RGSL1: variants seen among roughly 807,000 people sequenced by gnomAD.
The protein encoded by RGSL1 is regulator of G protein signaling protein-like.
A neutral mutation model predicts 124.7 loss-of-function variants in RGSL1; 97 were observed. That is an observed-to-expected ratio of 0.78 (90% CI 0.66 to 0.92). The LOEUF (loss-of-function observed/expected upper bound fraction) is 0.92, where lower values mean the gene tolerates loss of function less well. Ranked by LOEUF, RGSL1 falls within the 40% of genes least tolerant of loss-of-function variation. The probability of loss-of-function intolerance (pLI) is 0.00; values close to 1 mark genes in which losing one functional copy is unlikely to be tolerated. For synonymous variants in RGSL1, 424 were observed against 438.1 expected (o/e 0.97, Z 0.40); for missense variants, 1,233 against 1,288.4 (o/e 0.96, Z 0.66).
At chr1:182,512,955 T>C (rs552463468) in intron 9 of RGSL1, among the ~76,000 whole-genome samples, 12 of 152,306 alleles carry the variant, frequency 7.9e-5, no homozygotes, top group African/African-American at 2.9e-4. Flanking sequence ...GCTCTTTTGT[T>C]TGTCTGTCCA....
intron 6 of RGSL1, 35 bp downstream of exon 6, chr1:182,474,577 G>A: frequency 6.7e-7 from 1 of 1,501,530 alleles, no homozygotes; most frequent in South Asian, 1.3e-5. Flanking sequence ...GTTATATCTG[G>A]CAAATTAGGT....
chr1:182,557,324 C>T (rs142572293), intron 21 of RGSL1, among the ~76,000 whole-genome samples: 10 of 152,224 alleles, frequency 6.6e-5, no homozygotes, highest in Non-Finnish European at 1.5e-4. Flanking sequence ...TCCTAAAAAT[C>T]AGGCAAAAAC....
At chr1:182,512,553 C>A (rs145215612) in intron 9 of RGSL1, among the ~76,000 whole-genome samples, 2 of 152,148 alleles carry the variant, frequency 1.3e-5, no homozygotes, top group Non-Finnish European at 2.9e-5. Context: ...TCCGGCCCCA[C>A]GGTAGCTTCT....
At chr1:182,497,220 G>T (rs564673303) in intron 9 of RGSL1, among the ~76,000 whole-genome samples, 48 of 149,974 alleles carry the variant, frequency 3.2e-4, no homozygotes, top group Admixed American at 1.7e-3. Flanking sequence ...GAATGAAAAA[G>T]AGATAGAAAG....
intron 9 of RGSL1, among the ~76,000 whole-genome samples, chr1:182,519,247 TG>T (rs1401394532): frequency 1.3e-4 from 5 of 37,348 alleles, no homozygotes; most frequent in Non-Finnish European, 3.5e-4. Context: ...AGCTGCCATC[TG>T]GAAATTTTTT....
upstream of RGSL1, chr1:182,448,198 A>G (rs374592716): frequency 1.3e-3 from 192 of 149,922 alleles, 1 homozygote; most frequent in African/African-American, 4.4e-3. Flanking sequence ...AAACCAATTT[A>G]TTTGTTTGTT....
rs1338893192 is a variant in RGSL1 at position 182,527,685 on chromosome 1, A to G, written c.2038A>G (p.Lys680Glu). Residue 680 changes from lysine (K) to glutamate (E), a missense_variant, in exon 11 of 22, where the codon AAG becomes GAG. Physicochemically the swap from Lys to Glu is moderately conservative, Grantham distance 56 (BLOSUM62 1). Transcript: ENST00000294854. ...IPLQFLTAVQ[K>E]ISIETNEKIC... is the part of the protein sequence containing the mutation. ...ATTGCAATTTCTCACAGCTGTACAG[A>G]AGATCAGTATAGAGACCAATGAAAA... 1 of 1,551,516 alleles carries G rather than the reference A, an allele frequency of 6.4e-7. No individual in the cohort carries two copies. Among genetic ancestry groups the G allele is most frequent in the Admixed American group, 2.0e-5 (1 of 51,002 alleles).
chr1:182,469,945 C>T (rs1178515253), intron 4 of RGSL1, among the ~76,000 whole-genome samples: 1 of 151,910 alleles, frequency 6.6e-6, no homozygotes, highest in African/African-American at 2.4e-5. Flanking sequence ...ATATGAGGTA[C>T]TTAGGATAGT....
chr1:182,557,846 C>T (rs903561959), intron 21 of RGSL1, among the ~76,000 whole-genome samples: 2 of 152,196 alleles, frequency 1.3e-5, no homozygotes, highest in African/African-American at 4.8e-5. Context: ...CCAGATCTAA[C>T]ATGTTCTAAT....
At chr1:182,555,809 C>T in intron 20 of RGSL1, 1 of 576,152 alleles carries the variant, frequency 1.7e-6, no homozygotes, top group African/African-American at 1.9e-5. Context: ...CTTTGAAGCT[C>T]TTTACACTGG....
At chr1:182,450,000 T>C, upstream of RGSL1, 1 of 744,044 alleles carries the variant, frequency 1.3e-6, no homozygotes. Flanking sequence ...AGATAAAGAC[T>C]TATCTTCAGA....
At chr1:182,485,996 A>T (rs1558287552) in intron 6 of RGSL1, among the ~76,000 whole-genome samples, 1 of 152,190 alleles carries the variant, frequency 6.6e-6, no homozygotes, top group East Asian at 1.9e-4. Context: ...ATATCATAAA[A>T]TATTTACCAT....
chr1:182,505,422 C>A (rs1033411766), intron 9 of RGSL1, among the ~76,000 whole-genome samples: 2 of 152,136 alleles, frequency 1.3e-5, no homozygotes, highest in East Asian at 3.9e-4. Flanking sequence ...ACTTTCTTTA[C>A]CACAATGCAT....
At chr1:182,509,159 AGCC>A (rs1657095177) in intron 9 of RGSL1, among the ~76,000 whole-genome samples, 1 of 72,014 alleles carries the variant, frequency 1.4e-5, no homozygotes, top group African/African-American at 5.3e-5. Context: ...TATTCCACAA[AGCC>A]GCCATTGTCA....
chr1:182,448,225 TG>T (rs1651590705), upstream of RGSL1: 1 of 154,162 alleles, frequency 6.5e-6, no homozygotes, highest in South Asian at 2.1e-4. Flanking sequence ...TTTGTTTGTT[TG>T]TTTGTTTGTT....
chr1:182,531,769 A>G (rs1659190287), intron 13 of RGSL1, among the ~76,000 whole-genome samples: 1 of 152,192 alleles, frequency 6.6e-6, no homozygotes, highest in South Asian at 2.1e-4. Context: ...TTGTTCCTAG[A>G]AAACAAGATA....
intron 9 of RGSL1, among the ~76,000 whole-genome samples, chr1:182,503,488 C>T (rs972870809): frequency 3.4e-5 from 5 of 148,134 alleles, no homozygotes; most frequent in African/African-American, 7.7e-5. Context: ...AGACAAACAT[C>T]GCGTGTTCTC....
upstream of RGSL1, chr1:182,449,300 G>A (rs967288017): frequency 2.0e-5 from 3 of 152,176 alleles, no homozygotes; most frequent in Admixed American, 2.0e-4. Flanking sequence ...TTTTTCAAAT[G>A]TAAGTGATAT....
intron 1 of RGSL1, chr1:182,453,518 T>A (rs1652019192): frequency 6.4e-6 from 1 of 155,912 alleles, no homozygotes; most frequent in African/African-American, 2.4e-5. Flanking sequence ...AGGAATGGGT[T>A]GAAGAATTGC....
Sources: gnomAD v4.1 joint callset for allele counts (sites outside exome capture counted in the v4.1 genomes callset) on GRCh38, gnomAD v4.1.1 for gene constraint, MANE v1.5 for transcripts, NCBI Gene and HGNC (gene_info 2026-07-23, HGNC 2026-07-21) for gene names.